Variants in MAP4K4 observed in about 807,000 individuals in gnomAD.
MAP4K4 encodes HPK/GCK-like kinase HGK.
MAP4K4 carries 38 observed loss-of-function variants against 189.6 expected under a neutral mutation model. That is an observed-to-expected ratio of 0.20 (90% confidence interval 0.15 to 0.26). MAP4K4 has a LOEUF of 0.26. Ranked by LOEUF, MAP4K4 falls within the 10% of genes least tolerant of loss-of-function variation. The probability of loss-of-function intolerance (pLI) is 1.00; values close to 1 mark genes in which losing one functional copy is unlikely to be tolerated. For missense variants in MAP4K4, 1,054 were observed against 1,726.9 expected, an observed-to-expected ratio of 0.61 and a Z score of 6.91; for synonymous variants, 610 against 624.3, an observed-to-expected ratio of 0.98 and a Z score of 0.34.
At chr2:101,726,338 T>C (rs995216682) in intron 2 of MAP4K4, among the ~76,000 whole-genome samples, 4 of 152,214 alleles carry the variant, frequency 2.6e-5, no homozygotes, top group Admixed American at 2.6e-4. Flanking sequence ...AGCATCACTG[T>C]CCTCACAGGC....
chr2:101,785,072 G>GAT (rs1257047528), intron 2 of MAP4K4, among the ~76,000 whole-genome samples: 1 of 152,186 alleles, frequency 6.6e-6, no homozygotes, highest in Non-Finnish European at 1.5e-5. Flanking sequence ...GGTGTCACAG[G>GAT]ATATGCTTGC....
intron 27 of MAP4K4, among the ~76,000 whole-genome samples, chr2:101,880,786 C>T (rs1386445277): frequency 6.6e-6 from 1 of 152,146 alleles, no homozygotes; most frequent in African/African-American, 2.4e-5. Context: ...GGATTACAGG[C>T]GTGAGCCACC....
intron 12 of MAP4K4, 144 bp from the exon 13 acceptor site, chr2:101,855,833 T>G (rs2097435087): frequency 8.9e-6 from 6 of 673,108 alleles, no homozygotes; most frequent in African/African-American, 1.8e-5. Context: ...CGAGGGGCAG[T>G]GTGGAAATAA....
chr2:101,888,518 T>TAA (rs1448070993), intron 31 of MAP4K4, among the ~76,000 whole-genome samples: 4 of 152,140 alleles, frequency 2.6e-5, no homozygotes, highest in Non-Finnish European at 4.4e-5. Context: ...ATCTGTGCAC[T>TAA]AAACTCTAAA....
chr2:101,712,758 C>T (rs1238801226), intron 2 of MAP4K4, among the ~76,000 whole-genome samples: 1 of 151,500 alleles, frequency 6.6e-6, no homozygotes, highest in Non-Finnish European at 1.5e-5. Context: ...GGCCTCTCCA[C>T]GTGCAGGGAT....
At chr2:101,792,627 CCTT>C (rs764109396) in intron 3 of MAP4K4, among the ~76,000 whole-genome samples, 13 of 141,546 alleles carry the variant, frequency 9.2e-5, no homozygotes, top group Non-Finnish European at 1.3e-4. Context: ...TCCTCCTCCT[CCTT>C]CTTCTTTCTT....
At position 101,794,614 on chromosome 2, in the gene MAP4K4, C is replaced by T. The variant is rs2148870833; in HGVS notation, c.180+3838C>T. Among the ~76,000 whole-genome samples the T allele has an allele frequency of 2.0e-5, 3 of 152,312 alleles. 1 individual carries two copies. The highest frequency in any genetic ancestry group is 3.4e-3 in the Middle Eastern group (1 of 294). ...CTTCACCTGAAAATATTTGAGCATG[C>T]TTGTCTTAAAGACAGTCTTCTACGT... is the stretch of plus-strand genomic sequence containing the variant. On this transcript the variant is annotated intron_variant, in intron 3 of 32. Transcript: ENST00000324219.
intron 10 of MAP4K4, among the ~76,000 whole-genome samples, chr2:101,840,294 C>A (rs1409711316): frequency 6.6e-6 from 1 of 152,126 alleles, no homozygotes; most frequent in Non-Finnish European, 1.5e-5. Context: ...CGGATGTGTT[C>A]ATGGTATATT....
chr2:101,833,333 T>C (rs1339147671), intron 7 of MAP4K4, among the ~76,000 whole-genome samples: 2 of 152,126 alleles, frequency 1.3e-5, no homozygotes, highest in Admixed American at 6.5e-5. Flanking sequence ...AGAAATACCA[T>C]CTGATGGCCG....
At chr2:101,752,866 G>A (rs1327351417) in intron 2 of MAP4K4, among the ~76,000 whole-genome samples, 2 of 152,148 alleles carry the variant, frequency 1.3e-5, no homozygotes, top group African/African-American at 2.4e-5. Flanking sequence ...ACCGTGTCAG[G>A]CTCAGGAGAC....
chr2:101,877,780 C>T (rs1309258756), intron 27 of MAP4K4, among the ~76,000 whole-genome samples: 1 of 150,612 alleles, frequency 6.6e-6, no homozygotes, highest in Non-Finnish European at 1.5e-5. Flanking sequence ...GACGGAGTCT[C>T]ACTCTGTCAC....
At chr2:101,745,452 A>G (rs1386296161) in intron 2 of MAP4K4, among the ~76,000 whole-genome samples, 1 of 151,156 alleles carries the variant, frequency 6.6e-6, no homozygotes, top group Non-Finnish European at 1.5e-5. Context: ...AAAAAAAAAA[A>G]AAAAAAGTAT....
chr2:101,820,642 A>G (rs188244804), intron 3 of MAP4K4, among the ~76,000 whole-genome samples: 25 of 152,292 alleles, frequency 1.6e-4, no homozygotes, highest in Middle Eastern at 3.4e-3. Context: ...TGCCTTTTCA[A>G]TGGGGCCTGT....
chr2:101,773,724 C>G (rs1298460465), intron 2 of MAP4K4, among the ~76,000 whole-genome samples: 1 of 152,068 alleles, frequency 6.6e-6, no homozygotes. Context: ...CCCACTAACC[C>G]CCCTCCCCAA....
intron 2 of MAP4K4, among the ~76,000 whole-genome samples, chr2:101,770,278 C>T (rs1045649963): frequency 1.2e-4 from 12 of 103,872 alleles, no homozygotes; most frequent in East Asian, 3.3e-4. Context: ...GACGGAGTTT[C>T]GCTCTTGTCG....
At chr2:101,718,526 C>G (rs75023695) in intron 2 of MAP4K4, among the ~76,000 whole-genome samples, 9,444 of 139,598 alleles carry the variant, frequency 0.068, 400 homozygotes, top group African/African-American at 0.12. Flanking sequence ...GCAGAGAGAA[C>G]CTGTGAGGGT....
At chr2:101,873,877 G>T in intron 25 of MAP4K4, 113 bp downstream of exon 25, 2 of 835,412 alleles carry the variant, frequency 2.4e-6, no homozygotes, top group Non-Finnish European at 3.8e-6. Context: ...CTCGGGTACA[G>T]AAACTTCCCA....
chr2:101,795,771 T>C (rs2093620829), intron 3 of MAP4K4, among the ~76,000 whole-genome samples: 1 of 152,194 alleles, frequency 6.6e-6, no homozygotes, highest in Admixed American at 6.5e-5. Flanking sequence ...AAAACCAGAA[T>C]TTCTTAATTT....
Position 101,815,478 on chromosome 2 carries a change from CT to C in MAP4K4, c.181-8449del, listed in dbSNP as rs1227675319. On this transcript the variant is annotated intron_variant, in intron 3 of 32. Coordinates refer to ENST00000324219, the Ensembl canonical transcript of MAP4K4. ...TAAGTTTTTTTTAAATCTGTGAATTCTGTGATCAGTGTTATTCCTGGGTTAG... is the reference window on the plus strand; with the variant it reads ...TAAGTTTTTTTTAAATCTGTGAATTCGTGATCAGTGTTATTCCTGGGTTAG... Among the ~76,000 whole-genome samples the C allele has an allele frequency of 5.3e-5, 8 of 152,086 alleles. No homozygotes were observed. The South Asian group carries it at 1.7e-3, about 32-fold the overall frequency.
Sources: allele counts gnomAD v4.1 joint callset (sites outside exome capture counted in the v4.1 genomes callset), GRCh38; gene constraint gnomAD v4.1.1; transcripts MANE v1.5; gene names NCBI Gene and HGNC (gene_info 2026-07-23, HGNC 2026-07-21).